Variants in ACAD9 observed in about 807,000 individuals in gnomAD.
The protein encoded by ACAD9 is complex I assembly factor ACAD9, mitochondrial.
Under a neutral mutation model 70.2 loss-of-function variants are expected in ACAD9, and 53 were observed. The observed-to-expected ratio is 0.75, with a 90% CI of 0.61 to 0.95. The LOEUF (loss-of-function observed/expected upper bound fraction) is 0.95, where lower values mean the gene tolerates loss of function less well. Among genes scored for constraint, ACAD9 ranks in the 40% least tolerant of loss-of-function variants. The pLI is 0.00. For missense variants in ACAD9, 777 were observed against 802.8 expected, an observed-to-expected ratio of 0.97 and a Z score of 0.39; for synonymous variants, 313 against 312.1, an observed-to-expected ratio of 1.00 and a Z score of -0.03.
chr3:128,909,812 A>AC (rs1373804722), intron 15 of ACAD9: 5 of 713,436 alleles, frequency 7.0e-6, no homozygotes, highest in Non-Finnish European at 9.4e-6. Flanking sequence ...TCTTGCCTTA[A>AC]CCCCTCCCTG....
At chr3:128,887,837 C>G (rs1935298986) in intron 2 of ACAD9, among the ~76,000 whole-genome samples, 1 of 152,040 alleles carries the variant, frequency 6.6e-6, no homozygotes, top group African/African-American at 2.4e-5. Flanking sequence ...TACAAAAATA[C>G]ACCTATTTCA....
intron 7 of ACAD9, among the ~76,000 whole-genome samples, chr3:128,900,163 C>T (rs1164931545): frequency 2.0e-5 from 3 of 152,156 alleles, no homozygotes; most frequent in Non-Finnish European, 4.4e-5. Context: ...AACTCCTGAG[C>T]TCAGGCAGTC....
chr3:128,887,630 TAA>T (rs1363625227), intron 2 of ACAD9, among the ~76,000 whole-genome samples: 2 of 89,200 alleles, frequency 2.2e-5, no homozygotes, highest in African/African-American at 1.2e-4. Context: ...AAAATAAAAA[TAA>T]AAAAATAAAT....
rs1936041020 is a variant in ACAD9, at chr3:128,909,422, G to A, written c.1563+1G>A. The A allele has an allele frequency of 6.2e-7, 1 of 1,614,024 alleles. No individual in the cohort carries two copies. The highest frequency in any genetic ancestry group is 2.2e-5 in the East Asian group (1 of 44,892). On this transcript the variant is annotated splice_donor_variant, in intron 15 of 17. Transcript: ENST00000308982. LOFTEE classifies it high-confidence loss of function. ...GACACTGCTGCTCCGCTTTGGCAAGGTAACCAGGCCCTCCCAGGCCTGGGT... is the reference window on the plus strand; with the variant it reads ...GACACTGCTGCTCCGCTTTGGCAAGATAACCAGGCCCTCCCAGGCCTGGGT...
intron 7 of ACAD9, among the ~76,000 whole-genome samples, chr3:128,900,051 C>G (rs563602174): frequency 6.6e-6 from 1 of 152,344 alleles, no homozygotes; most frequent in East Asian, 1.9e-4. Flanking sequence ...CCTGTCTCAG[C>G]CTCCCAAGTA....
intron 13 of ACAD9, 74 bp downstream of exon 13, chr3:128,908,338 GGAAA>G: frequency 6.5e-7 from 1 of 1,545,956 alleles, no homozygotes; most frequent in Non-Finnish European, 8.9e-7. Flanking sequence ...GGCAGTGGGA[GGAAA>G]GAGCTGCCTT....
At position 128,912,675 on chromosome 3, in the gene ACAD9, C is replaced by CT. The variant is rs112783991; in HGVS notation, c.*74dup. ...GGCCCGTTGCTGGATGACTGTTACT[C>CT]TTTTTTCAGAAGGTGTTGGGATTAT... On this transcript the variant is annotated 3_prime_UTR_variant, in exon 18 of 18. Coordinates refer to ENST00000308982, the MANE Select transcript of ACAD9 (RefSeq NM_014049.5). The CT allele has an allele frequency of 4.3e-5, 58 of 1,345,512 alleles. No homozygotes were observed. Among genetic ancestry groups the CT allele is most frequent in the South Asian group, 1.1e-4 (9 of 85,690 alleles). 83.3% of individuals were successfully genotyped at this position (1,345,512 alleles called of 1,614,324 possible). A position where few individuals can be genotyped will look rare whatever the true frequency, so the allele number is the denominator to read the frequency against.
chr3:128,879,871 G>C, intron 1 of ACAD9, 30 bp downstream of exon 1: 2 of 1,613,748 alleles, frequency 1.2e-6, no homozygotes, highest in East Asian at 2.2e-5. Context: ...AACCCTTGCT[G>C]TCTGGCTCCC....
intron 16 of ACAD9, 48 bp from the exon 17 acceptor site, chr3:128,910,693 C>CTGAT: frequency 6.2e-7 from 1 of 1,607,444 alleles, no homozygotes; most frequent in South Asian, 1.1e-5. Flanking sequence ...GCTCAGAGGT[C>CTGAT]TGATTCCAGG....
intron 9 of ACAD9, among the ~76,000 whole-genome samples, chr3:128,903,758 A>C (rs530173948): frequency 6.6e-6 from 1 of 152,188 alleles, no homozygotes; most frequent in East Asian, 1.9e-4. Flanking sequence ...AGCGACTCTG[A>C]GGTGGGGGTG....
chr3:128,883,906 G>A (rs145107610), intron 1 of ACAD9, among the ~76,000 whole-genome samples: 61 of 152,300 alleles, frequency 4.0e-4, no homozygotes, highest in African/African-American at 1.3e-3. Context: ...GGTGAGAGGC[G>A]CCATGAGGAC....
Position 128,892,384 on chromosome 3 carries a change from G to A in ACAD9, c.245-1171G>A, listed in dbSNP as rs147774373. Among the ~76,000 whole-genome samples, 3 of 152,312 alleles carry A rather than the reference G, an allele frequency of 2.0e-5. No homozygotes were observed. In the East Asian group the frequency reaches 5.8e-4, roughly 29 times the overall value. ...CCCATGTATACAAAAATTCTTAAGT[G>A]TAGGTTATGGTGTTTTTAACAATTT... On this transcript the variant is annotated intron_variant, in intron 2 of 17. Transcript: ENST00000308982.
chr3:128,888,539 A>G (rs1317825072), intron 2 of ACAD9, among the ~76,000 whole-genome samples: 4 of 152,158 alleles, frequency 2.6e-5, no homozygotes, highest in Non-Finnish European at 5.9e-5. Context: ...GGATGGCGCC[A>G]CTGCACTTCA....
At chr3:128,885,228 C>T (rs1935211448) in intron 2 of ACAD9, among the ~76,000 whole-genome samples, 1 of 152,164 alleles carries the variant, frequency 6.6e-6, no homozygotes. Context: ...ACCTCAGGTC[C>T]CTCTCTCAGA....
At chr3:128,911,152 G>A (rs892094245) in intron 17 of ACAD9, among the ~76,000 whole-genome samples, 3 of 152,194 alleles carry the variant, frequency 2.0e-5, no homozygotes, top group Admixed American at 6.5e-5. Flanking sequence ...CACCTCTTGG[G>A]TTCAAGCGAT....
Position 128,904,312 on chromosome 3 carries a change from CT to C in ACAD9, c.1030-71del, listed in dbSNP as rs1935826141. ...GGCATTGAGGCTTCTGACTTAATTA[CT>C]TTCTCTCCTGTTTCACAGATTTGGC... is the stretch of plus-strand genomic sequence containing the variant. On this transcript the variant is annotated intron_variant, in intron 10 of 17. Coordinates refer to ENST00000308982, the MANE Select transcript of ACAD9 (RefSeq NM_014049.5). 4 of 1,613,218 alleles carry C rather than the reference CT, an allele frequency of 2.5e-6. No individual in the cohort carries two copies. In the Admixed American group the frequency reaches 6.7e-5, roughly 27 times the overall value.
At chr3:128,881,220 G>A (rs1333559914) in intron 1 of ACAD9, among the ~76,000 whole-genome samples, 1 of 152,208 alleles carries the variant, frequency 6.6e-6, no homozygotes, top group Non-Finnish European at 1.5e-5. Flanking sequence ...GGGCAGTGTG[G>A]TGCTCTATCC....
At chr3:128,886,687 A>C (rs989710835) in intron 2 of ACAD9, among the ~76,000 whole-genome samples, 1 of 151,556 alleles carries the variant, frequency 6.6e-6, no homozygotes, top group Non-Finnish European at 1.5e-5. Flanking sequence ...CAGCATGGGC[A>C]ATAAGAGTGA....
At chr3:128,905,139 A>G (rs1320139417) in intron 11 of ACAD9, among the ~76,000 whole-genome samples, 1 of 151,270 alleles carries the variant, frequency 6.6e-6, no homozygotes, top group Non-Finnish European at 1.5e-5. Context: ...CAAGAGCAAA[A>G]CTCCATCTCA....
Sources: allele counts gnomAD v4.1 joint callset (sites outside exome capture counted in the v4.1 genomes callset), GRCh38; gene constraint gnomAD v4.1.1; transcripts MANE v1.5; gene names NCBI Gene and HGNC (gene_info 2026-07-23, HGNC 2026-07-21).